Variants in CNBD2 observed in about 807,000 individuals in gnomAD.
CNBD2 encodes cyclic nucleotide-binding domain-containing protein 2.
Under a neutral mutation model 63.7 loss-of-function variants are expected in CNBD2, and 64 were observed. That is an observed-to-expected ratio of 1.00 (90% CI 0.82 to 1.24). CNBD2 has a LOEUF of 1.24. Ranked by LOEUF, CNBD2 falls within the 50% of genes most tolerant of loss-of-function variation. CNBD2 has a pLI of 0.00. For missense variants in CNBD2, 691 were observed against 713.5 expected, an observed-to-expected ratio of 0.97 and a Z score of 0.36; for synonymous variants, 229 against 255.4, an observed-to-expected ratio of 0.90 and a Z score of 0.99.
chr20:35,981,810 A>G (rs1473868160), intron 4 of CNBD2, among the ~76,000 whole-genome samples: 3 of 152,078 alleles, frequency 2.0e-5, no homozygotes, highest in Non-Finnish European at 2.9e-5. Context: ...CACAGCCACA[A>G]TGGAGGCTGG....
upstream of CNBD2, among the ~76,000 whole-genome samples, chr20:35,964,058 A>G (rs945192730): frequency 6.6e-6 from 1 of 152,262 alleles, no homozygotes; most frequent in Non-Finnish European, 1.5e-5. Flanking sequence ...ATCACGTGCC[A>G]TAGCTAGTTT....
upstream of CNBD2, among the ~76,000 whole-genome samples, chr20:35,965,455 G>A (rs6121109): frequency 1.3e-5 from 2 of 152,148 alleles, no homozygotes; most frequent in Non-Finnish European, 1.5e-5. Flanking sequence ...TGGGATTGCA[G>A]GCATGAGCCA....
At chr20:35,982,129 G>A (rs1392196379) in intron 4 of CNBD2, among the ~76,000 whole-genome samples, 3 of 152,196 alleles carry the variant, frequency 2.0e-5, no homozygotes, top group East Asian at 1.9e-4. Context: ...TCAAGCCAGC[G>A]AGTCAGGAAG....
intron 3 of CNBD2, among the ~76,000 whole-genome samples, chr20:35,978,211 T>C (rs2056546923): frequency 6.6e-6 from 1 of 152,172 alleles, no homozygotes; most frequent in Non-Finnish European, 1.5e-5. Context: ...AGTCTTGCTG[T>C]GTCATCCAGG....
chr20:35,988,296 AG>A (rs1368292584), intron 7 of CNBD2, among the ~76,000 whole-genome samples: 4 of 152,098 alleles, frequency 2.6e-5, no homozygotes, highest in African/African-American at 9.7e-5. Flanking sequence ...CCTCCAGAGT[AG>A]CTAGGACTAT....
intron 8 of CNBD2, among the ~76,000 whole-genome samples, chr20:36,007,140 G>T (rs2056995959): frequency 6.6e-6 from 1 of 152,172 alleles, no homozygotes; most frequent in South Asian, 2.1e-4. Context: ...AGTGAGCAGA[G>T]ATCGCACCAC....
rs1454315603 is a variant in CNBD2 at position 35,980,623 on chromosome 20, G to C, written c.407+1G>C. The stretch of plus-strand genomic sequence containing the variant: ...TGGCCAAAGTCATGCGCTTTGAACG[G>C]TCAGTGAGGGGCACAGCCCTTGGCC... On this transcript the variant is annotated splice_donor_variant, in intron 4 of 11. Coordinates refer to ENST00000373973, the MANE Select transcript of CNBD2 (RefSeq NM_001365709.1). LOFTEE classifies it high-confidence loss of function. 2 of 1,612,728 alleles carry C rather than the reference G, an allele frequency of 1.2e-6. No homozygotes were observed. Among genetic ancestry groups the C allele is most frequent in the African/African-American group, 2.7e-5 (2 of 74,894 alleles).
rs1260039759 is a variant in CNBD2, at chr20:36,025,920, T to C, written c.1439+2149T>C. On this transcript the variant is annotated intron_variant, in intron 11 of 11. Coordinates refer to ENST00000373973, the MANE Select transcript of CNBD2 (RefSeq NM_001365709.1). ...AATATATATTATAAACATATAAAAA[T>C]TGATCTTTTAAAAGAAAAAGAGAAA... is the stretch of plus-strand genomic sequence containing the variant. Among the ~76,000 whole-genome samples, 3 of 152,140 alleles carry C rather than the reference T, an allele frequency of 2.0e-5. No individual in the cohort carries two copies. In the East Asian group the frequency reaches 5.8e-4, roughly 29 times the overall value.
At chr20:36,011,281 C>A in intron 10 of CNBD2, 24 bp downstream of exon 10, 1 of 1,514,520 alleles carries the variant, frequency 6.6e-7, no homozygotes, top group Non-Finnish European at 8.9e-7. Context: ...GAGCTCTGTT[C>A]ACCATGGAGT....
chr20:36,028,787 T>A (rs1307087552), intron 11 of CNBD2, among the ~76,000 whole-genome samples: 1 of 151,746 alleles, frequency 6.6e-6, no homozygotes, highest in African/African-American at 2.4e-5. Flanking sequence ...GTGATTCTTG[T>A]GGCTCAGCCT....
intron 11 of CNBD2, among the ~76,000 whole-genome samples, chr20:36,024,804 G>A (rs1891151): frequency 9.9e-5 from 15 of 151,420 alleles, no homozygotes; most frequent in African/African-American, 3.4e-4. Flanking sequence ...GTGTGGTGGC[G>A]GGCACCTTTA....
intron 3 of CNBD2, among the ~76,000 whole-genome samples, chr20:35,976,725 A>G (rs1249994999): frequency 6.6e-6 from 1 of 152,164 alleles, no homozygotes; most frequent in South Asian, 2.1e-4. Context: ...CCTGGATATT[A>G]AATATTAAAA....
At chr20:35,982,338 T>C (rs145109150) in intron 4 of CNBD2, among the ~76,000 whole-genome samples, 1 of 152,324 alleles carries the variant, frequency 6.6e-6, no homozygotes, top group Non-Finnish European at 1.5e-5. Context: ...TAGCTGAGCT[T>C]TGGAGGCCCT....
chr20:36,007,328 T>G (rs1015026577), intron 8 of CNBD2, among the ~76,000 whole-genome samples: 3 of 152,172 alleles, frequency 2.0e-5, no homozygotes, highest in African/African-American at 4.8e-5. Context: ...TTAAATTTCA[T>G]TTTAAGAGAT....
chr20:35,995,215 A>G, intron 8 of CNBD2, 63 bp downstream of exon 8: 1 of 1,069,474 alleles, frequency 9.4e-7, no homozygotes, highest in Admixed American at 1.8e-5. Flanking sequence ...TCCAGTTCCC[A>G]GCACATAGAG....
chr20:35,998,141 G>A (rs113368571), intron 8 of CNBD2, among the ~76,000 whole-genome samples: 5,250 of 148,498 alleles, frequency 0.035, 321 homozygotes, highest in African/African-American at 0.12. Context: ...CCCCAGGTTC[G>A]AGCAATTCTC....
chr20:36,019,536 A>C (rs571456744), intron 10 of CNBD2, among the ~76,000 whole-genome samples: 1 of 150,714 alleles, frequency 6.6e-6, no homozygotes, highest in African/African-American at 2.4e-5. Context: ...AAAGAAAAAA[A>C]AAAAAAAAAA....
chr20:35,980,679 C>A (rs2056586524), intron 4 of CNBD2, 57 bp downstream of exon 4: 2 of 1,557,768 alleles, frequency 1.3e-6, no homozygotes, highest in South Asian at 1.1e-5. Flanking sequence ...AGCAAAAGAG[C>A]CTGGCTGAGA....
chr20:35,980,651 C>A, intron 4 of CNBD2, 29 bp downstream of exon 4: 1 of 1,609,496 alleles, frequency 6.2e-7, no homozygotes, highest in Non-Finnish European at 8.5e-7. Context: ...CCTTGGCCAC[C>A]AGGCTGAGGC....
Sources: allele counts gnomAD v4.1 joint callset (sites outside exome capture counted in the v4.1 genomes callset), GRCh38; gene constraint gnomAD v4.1.1; transcripts MANE v1.5; gene names NCBI Gene and HGNC (gene_info 2026-07-23, HGNC 2026-07-21).